SOD2: variants seen among roughly 807,000 people sequenced by gnomAD.
The protein encoded by SOD2 is superoxide dismutase [Mn], mitochondrial.
In SOD2, 11 loss-of-function variants were observed where a neutral mutation model predicts 27.0. The observed-to-expected ratio is 0.41, with a 90% CI of 0.26 to 0.67. The LOEUF is 0.67. Among genes scored for constraint, SOD2 ranks in the 30% least tolerant of loss-of-function variants. The pLI is 0.34. For missense variants in SOD2, 250 were observed against 274.5 expected (o/e 0.91, Z 0.63); for synonymous variants, 105 against 103.0 (o/e 1.02, Z -0.12).
chr6:159,760,667 T>C (rs552152315), intron 1 of SOD2: 19 of 152,328 alleles, frequency 1.2e-4, no homozygotes, highest in South Asian at 2.1e-4. Flanking sequence ...CAGGTGGTGA[T>C]TGATGCCGTA....
upstream of SOD2, among the ~76,000 whole-genome samples, chr6:159,729,888 A>G (rs1040349890): frequency 6.6e-6 from 1 of 152,150 alleles, no homozygotes; most frequent in Non-Finnish European, 1.5e-5. Context: ...TAACTTTATG[A>G]TGCTAAGAGC....
At chr6:159,721,016 C>T (rs1167143047) in intron 1 of SOD2, among the ~76,000 whole-genome samples, 2 of 136,594 alleles carry the variant, frequency 1.5e-5, no homozygotes, top group African/African-American at 2.7e-5. Context: ...CCACTGCACC[C>T]GACTATTTTT....
chr6:159,761,937 A>C, exon 1 of SOD2: 1 of 905,802 alleles, frequency 1.1e-6, no homozygotes. Flanking sequence ...GCCTGCGCAC[A>C]GTGGGATGCG....
intron 1 of SOD2, among the ~76,000 whole-genome samples, chr6:159,712,247 A>T (rs1456534192): frequency 4.4e-5 from 5 of 114,040 alleles, no homozygotes; most frequent in East Asian, 3.5e-4. Flanking sequence ...TGCTCTGATC[A>T]CCCTAACCAC....
chr6:159,683,389 G>A (rs1299462067), intron 4 of SOD2, among the ~76,000 whole-genome samples: 1 of 152,152 alleles, frequency 6.6e-6, no homozygotes, highest in African/African-American at 2.4e-5. Flanking sequence ...GGAAGCTGAC[G>A]CAGGAGAATT....
Position 159,690,259 on chromosome 6 carries a change from C to T in SOD2, c.227-2017G>A, listed in dbSNP as rs1780392283. 2.0e-5 allele frequency among the ~76,000 whole-genome samples: 3 copies of T among 147,714 alleles called. No individual in the cohort carries two copies. In the South Asian group the frequency reaches 6.4e-4, roughly 31 times the overall value. ...CCGAGATCACATCACTGCACTCCAACCTGCGGGACAGACTGAGATTCCGTC... is the reference window on the plus strand; with the variant it reads ...CCGAGATCACATCACTGCACTCCAATCTGCGGGACAGACTGAGATTCCGTC... On this transcript the variant is annotated intron_variant, in intron 2 of 4. Transcript: ENST00000538183.
At chr6:159,694,217 T>A (rs5746083), upstream of SOD2, among the ~76,000 whole-genome samples, 1 of 152,230 alleles carries the variant, frequency 6.6e-6, no homozygotes, top group Non-Finnish European at 1.5e-5. Context: ...AGTAAGCTGT[T>A]AAGTATCAAG....
At chr6:159,747,987 G>A (rs1382483721), upstream of SOD2, among the ~76,000 whole-genome samples, 3 of 152,060 alleles carry the variant, frequency 2.0e-5, no homozygotes, top group African/African-American at 4.8e-5. Context: ...TGATCAGATC[G>A]GGGTAATTAG....
At chr6:159,755,018 C>T in intron 1 of SOD2, 19 of 1,599,986 alleles carry the variant, frequency 1.2e-5, no homozygotes, top group Non-Finnish European at 1.5e-5. Context: ...TCTGACTCTC[C>T]TTTGCACAGA....
intron 1 of SOD2, among the ~76,000 whole-genome samples, chr6:159,712,488 G>A (rs79151076): frequency 1.1e-5 from 1 of 94,594 alleles, no homozygotes; most frequent in South Asian, 4.4e-4. Flanking sequence ...CCACTCAGCT[G>A]CTCTGACCTC....
intron 1 of SOD2, among the ~76,000 whole-genome samples, chr6:159,719,221 C>T (rs1777981769): frequency 6.6e-6 from 1 of 152,020 alleles, no homozygotes; most frequent in African/African-American, 2.4e-5. Flanking sequence ...CCTGTTTTCA[C>T]CACATAAGAG....
At chr6:159,723,396 TCTC>T (rs1429701076) in intron 1 of SOD2, among the ~76,000 whole-genome samples, 2 of 152,194 alleles carry the variant, frequency 1.3e-5, no homozygotes, top group African/African-American at 4.8e-5. Flanking sequence ...TGTTGTTTGT[TCTC>T]CTAACTACAG....
At chr6:159,757,127 G>A (rs1382962969) in intron 1 of SOD2, among the ~76,000 whole-genome samples, 2 of 152,146 alleles carry the variant, frequency 1.3e-5, no homozygotes, top group African/African-American at 4.8e-5. Context: ...TTTTCTCAGA[G>A]GTAATTAAGT....
intron 1 of SOD2, chr6:159,743,854 T>G (rs1779404751): frequency 2.0e-6 from 3 of 1,483,276 alleles, no homozygotes; most frequent in Non-Finnish European, 2.7e-6. Context: ...TCCACATTAT[T>G]ACATGTTAAT....
At chr6:159,695,022 C>G (rs1386743930), upstream of SOD2, among the ~76,000 whole-genome samples, 1 of 152,136 alleles carries the variant, frequency 6.6e-6, no homozygotes, top group Non-Finnish European at 1.5e-5. Flanking sequence ...GCAAGGTGGT[C>G]TGGCACTGAC....
At chr6:159,739,869 A>C (rs946063143) in intron 1 of SOD2, among the ~76,000 whole-genome samples, 3 of 121,230 alleles carry the variant, frequency 2.5e-5, no homozygotes, top group Non-Finnish European at 3.3e-5. Context: ...CCATAATCTC[A>C]TACATAGGAC....
At chr6:159,693,504 G>C (rs1466767316), upstream of SOD2, among the ~76,000 whole-genome samples, 2 of 152,146 alleles carry the variant, frequency 1.3e-5, no homozygotes, top group Non-Finnish European at 2.9e-5. Flanking sequence ...CCGTACTTGA[G>C]TGGCGCGCGG....
At chr6:159,692,507 T>C in intron 2 of SOD2, 154 bp downstream of exon 2, 3 of 1,458,558 alleles carry the variant, frequency 2.1e-6, no homozygotes, top group Non-Finnish European at 2.7e-6. Context: ...GTAGACCATG[T>C]GTTTAAAAGA....
chr6:159,727,216 T>C, exon 1 of SOD2: 2 of 1,264,044 alleles, frequency 1.6e-6, no homozygotes, highest in Non-Finnish European at 1.0e-6. Context: ...GCTGCTCCAT[T>C]GTGCCTCGAG....
Sources: gnomAD v4.1 joint callset for allele counts (sites outside exome capture counted in the v4.1 genomes callset) on GRCh38, gnomAD v4.1.1 for gene constraint, MANE v1.5 for transcripts, NCBI Gene and HGNC (gene_info 2026-07-23, HGNC 2026-07-21) for gene names.